Variants in ELAVL4 observed in about 807,000 individuals in gnomAD.
ELAVL4 encodes ELAV-like protein 4.
A neutral mutation model predicts 35.6 loss-of-function variants in ELAVL4; 1 was observed. The observed-to-expected ratio is 0.03, with a 90% confidence interval of 0.01 to 0.13. The LOEUF (loss-of-function observed/expected upper bound fraction) is 0.13. ELAVL4 is among the 10% of genes least tolerant of loss of function. ELAVL4 has a pLI of 1.00. For missense variants in ELAVL4, 267 were observed against 464.9 expected (o/e 0.57, Z 3.91); for synonymous variants, 156 against 171.0 (o/e 0.91, Z 0.69).
upstream of ELAVL4, among the ~76,000 whole-genome samples, chr1:50,100,719 T>C (rs1008283460): frequency 2.6e-5 from 4 of 152,244 alleles, no homozygotes; most frequent in Non-Finnish European, 5.9e-5. Context: ...CTTTTTATTG[T>C]TCACACCAAT....
chr1:50,065,300 A>G (rs1350051291), intron 1 of ELAVL4, among the ~76,000 whole-genome samples: 1 of 152,158 alleles, frequency 6.6e-6, no homozygotes, highest in Non-Finnish European at 1.5e-5. Flanking sequence ...AAAAGGTTAG[A>G]ACAGATTATA....
At chr1:50,191,965 C>CA (rs1418525570) in intron 3 of ELAVL4, among the ~76,000 whole-genome samples, 1 of 152,114 alleles carries the variant, frequency 6.6e-6, no homozygotes, top group South Asian at 2.1e-4. Context: ...TCCTCTTACT[C>CA]AAAAAATAGT....
intron 3 of ELAVL4, among the ~76,000 whole-genome samples, chr1:50,181,829 A>C (rs192797292): frequency 8.5e-4 from 130 of 152,212 alleles, no homozygotes; most frequent in Non-Finnish European, 1.3e-3. Context: ...GATTACAGGC[A>C]TGCACTACCA....
At chr1:50,091,653 G>T (rs144599995) in intron 1 of ELAVL4, among the ~76,000 whole-genome samples, 1 of 152,272 alleles carries the variant, frequency 6.6e-6, no homozygotes, top group Non-Finnish European at 1.5e-5. Flanking sequence ...GTGTCAGTTT[G>T]GAAGGAAAAG....
intron 1 of ELAVL4, among the ~76,000 whole-genome samples, chr1:50,048,643 C>T (rs943909584): frequency 6.6e-6 from 1 of 152,172 alleles, no homozygotes; most frequent in Admixed American, 6.5e-5. Context: ...AGGCGCTGGG[C>T]GCGCGGACTT....
At chr1:50,060,825 A>G (rs1007032958) in intron 1 of ELAVL4, among the ~76,000 whole-genome samples, 2 of 152,172 alleles carry the variant, frequency 1.3e-5, no homozygotes, top group African/African-American at 2.4e-5. Flanking sequence ...GGCTGGACAA[A>G]GTTGTCTGCC....
intron 1 of ELAVL4, among the ~76,000 whole-genome samples, chr1:50,074,536 T>C (rs1002582309): frequency 1.3e-5 from 2 of 152,160 alleles, no homozygotes; most frequent in Non-Finnish European, 2.9e-5. Context: ...TTGTATTGGC[T>C]CCGGAGTTTT....
At chr1:50,116,413 C>CGTGTGT (rs753845198) in intron 1 of ELAVL4, among the ~76,000 whole-genome samples, 20 of 143,412 alleles carry the variant, frequency 1.4e-4, no homozygotes, top group African/African-American at 5.1e-4. Flanking sequence ...TGTGTGTGTG[C>CGTGTGT]GTGTGTGTGT....
At chr1:50,166,395 A>G (rs920148834) in intron 2 of ELAVL4, among the ~76,000 whole-genome samples, 2 of 152,234 alleles carry the variant, frequency 1.3e-5, no homozygotes, top group African/African-American at 4.8e-5. Context: ...TGCTGATATG[A>G]AGTCAATAAA....
At chr1:50,181,143 ACT>A (rs1039719599) in intron 3 of ELAVL4, 1 of 151,890 alleles carries the variant, frequency 6.6e-6, no homozygotes, top group African/African-American at 2.4e-5. Context: ...TCTAAAAATA[ACT>A]CTCTGGCAGT....
intron 3 of ELAVL4, among the ~76,000 whole-genome samples, chr1:50,181,604 A>G (rs1043775428): frequency 1.3e-5 from 2 of 152,106 alleles, no homozygotes; most frequent in African/African-American, 4.8e-5. Flanking sequence ...CCCAGTGGAG[A>G]TGACTTGCCT....
At chr1:50,177,727 C>T (rs1296853327) in intron 3 of ELAVL4, among the ~76,000 whole-genome samples, 1 of 151,936 alleles carries the variant, frequency 6.6e-6, no homozygotes, top group Non-Finnish European at 1.5e-5. Context: ...CCCTCCTAAT[C>T]GAGACTCGAA....
intron 1 of ELAVL4, among the ~76,000 whole-genome samples, chr1:50,075,270 G>GAAAAGGTATT (rs1286313269): frequency 6.6e-6 from 1 of 152,142 alleles, no homozygotes; most frequent in African/African-American, 2.4e-5. Flanking sequence ...GAGGTGCAAG[G>GAAAAGGTATT]AAAAGGTATT....
At chr1:50,173,570 A>T (rs1248836006) in intron 2 of ELAVL4, among the ~76,000 whole-genome samples, 2 of 152,220 alleles carry the variant, frequency 1.3e-5, no homozygotes, top group Non-Finnish European at 2.9e-5. Flanking sequence ...GTTGTAGGTC[A>T]CCTGGGCACC....
chr1:50,050,609 C>A (rs1431486500), intron 1 of ELAVL4, among the ~76,000 whole-genome samples: 3 of 151,994 alleles, frequency 2.0e-5, no homozygotes, highest in Non-Finnish European at 4.4e-5. Flanking sequence ...AGAGAAGGTG[C>A]TTTAATTTTT....
In ELAVL4 at chr1:50,054,571, TTTTG is replaced by T. The variant is rs1172831297; in HGVS notation, c.18+6393_18+6396del. 5.3e-5 allele frequency among the ~76,000 whole-genome samples: 8 copies of T among 152,284 alleles called. No individual in the cohort carries two copies. In the South Asian group the frequency reaches 8.3e-4, roughly 16 times the overall value. On this transcript the variant is annotated intron_variant, in intron 1 of 6. Transcript: ENST00000448907. Reference sequence around the variant, plus strand: ...CATACCATAGATTGGTATTATTCTTTTTTGTTTATTTCTTATAGGATAGACCTTA... The same window carrying T: ...CATACCATAGATTGGTATTATTCTTTTTTATTTCTTATAGGATAGACCTTA...
chr1:50,127,313 G>A (rs1011243796), intron 1 of ELAVL4, among the ~76,000 whole-genome samples: 1 of 152,086 alleles, frequency 6.6e-6, no homozygotes. Context: ...CCTGTCAGTG[G>A]GGAGACAGGC....
At chr1:50,117,896 C>T (rs1169117221) in intron 1 of ELAVL4, among the ~76,000 whole-genome samples, 3 of 152,032 alleles carry the variant, frequency 2.0e-5, no homozygotes, top group East Asian at 1.9e-4. Flanking sequence ...AGTTCTTCCT[C>T]GGAATTGTAT....
intron 1 of ELAVL4, among the ~76,000 whole-genome samples, chr1:50,076,464 G>A (rs991436029): frequency 6.6e-6 from 1 of 151,970 alleles, no homozygotes; most frequent in African/African-American, 2.4e-5. Context: ...TGTTATCATA[G>A]GTATGTATGT....
Sources: allele counts gnomAD v4.1 joint callset (sites outside exome capture counted in the v4.1 genomes callset), GRCh38; gene constraint gnomAD v4.1.1; transcripts MANE v1.5; gene names NCBI Gene and HGNC (gene_info 2026-07-23, HGNC 2026-07-21).